The following TFDP1 variants were observed in gnomAD, a reference collection of about 807,000 sequenced individuals.
TFDP1 encodes the protein DRTF1-polypeptide 1.
Under a neutral mutation model 48.0 loss-of-function variants are expected in TFDP1, and 6 were observed. The observed-to-expected ratio is 0.13, with a 90% CI of 0.07 to 0.25. The LOEUF (loss-of-function observed/expected upper bound fraction) is 0.25. Ranked by LOEUF, TFDP1 falls within the 10% of genes least tolerant of loss-of-function variation. TFDP1 has a pLI of 1.00. For missense variants in TFDP1, 335 were observed against 543.0 expected, an observed-to-expected ratio of 0.62 and a Z score of 3.81; for synonymous variants, 201 against 211.6, an observed-to-expected ratio of 0.95 and a Z score of 0.44.
intron 3 of TFDP1, among the ~76,000 whole-genome samples, chr13:113,621,090 A>G (rs971478640): frequency 6.6e-6 from 1 of 152,268 alleles, no homozygotes; most frequent in Non-Finnish European, 1.5e-5. Context: ...GAAACTTCAG[A>G]TCGCAAAGGC....
intron 2 of TFDP1, among the ~76,000 whole-genome samples, chr13:113,600,811 A>G (rs2140333031): frequency 6.9e-6 from 1 of 145,836 alleles, no homozygotes. Context: ...GTAGGGCTAC[A>G]GGACCGTGAG....
At chr13:113,632,943 G>A (rs1329325611) in intron 5 of TFDP1, among the ~76,000 whole-genome samples, 177 bp from the exon 6 acceptor site, 1 of 152,238 alleles carries the variant, frequency 6.6e-6, no homozygotes, top group Non-Finnish European at 1.5e-5. Context: ...AGGACCACTG[G>A]GCCTGGGGGC....
chr13:113,601,920 C>T (rs2048440510), intron 2 of TFDP1, among the ~76,000 whole-genome samples: 1 of 131,644 alleles, frequency 7.6e-6, no homozygotes, highest in African/African-American at 3.2e-5. Flanking sequence ...CAGAGCTACT[C>T]CCTCTGTAGC....
intron 7 of TFDP1, 88 bp from the exon 8 acceptor site, chr13:113,634,446 C>T (rs1212507180): frequency 2.2e-5 from 23 of 1,055,360 alleles, no homozygotes; most frequent in Non-Finnish European, 3.2e-5. Flanking sequence ...ACATAGGTAA[C>T]ACTGTGAGGA....
At chr13:113,609,549 A>G (rs745726514) in intron 2 of TFDP1, among the ~76,000 whole-genome samples, 4 of 151,984 alleles carry the variant, frequency 2.6e-5, no homozygotes, top group South Asian at 2.1e-4. Context: ...ATGCCCAGGA[A>G]ATTGCCCAGT....
Position 113,590,337 on chromosome 13 carries a change from G to A in TFDP1, c.12+4488G>A, listed in dbSNP as rs561797412. On this transcript the variant is annotated intron_variant, in intron 2 of 11. Coordinates refer to ENST00000375370, the MANE Select transcript of TFDP1 (RefSeq NM_007111.5). ...GGAGGCGTTTGAGTGATGCTGTCACGAGGCTCTGCTAATGCCAAGAGGGGA... is the reference window on the plus strand; with the variant it reads ...GGAGGCGTTTGAGTGATGCTGTCACAAGGCTCTGCTAATGCCAAGAGGGGA... Among the ~76,000 whole-genome samples the A allele has an allele frequency of 4.6e-5, 7 of 152,326 alleles. No individual in the cohort carries two copies. The South Asian group carries it at 6.2e-4, about 14-fold the overall frequency.
intron 3 of TFDP1, among the ~76,000 whole-genome samples, chr13:113,616,221 G>A (rs10467688): frequency 0.071 from 3,716 of 52,052 alleles, 195 homozygotes; most frequent in African/African-American, 0.29. Context: ...AAAAAAAAAA[G>A]AGTAAGTGTG....
At chr13:113,638,240 G>A (rs547306307) in intron 11 of TFDP1, among the ~76,000 whole-genome samples, 9 of 152,170 alleles carry the variant, frequency 5.9e-5, no homozygotes, top group African/African-American at 1.2e-4. Context: ...TTCAGAACGC[G>A]TCTGCGGTCA....
In TFDP1 at chr13:113,608,269, G is replaced by A. The variant is rs185913948; in HGVS notation, c.13-2727G>A. Among the ~76,000 whole-genome samples the A allele has an allele frequency of 3.9e-4, 59 of 152,356 alleles. 1 individual carries two copies. In the East Asian group the frequency reaches 0.011, roughly 29 times the overall value. ...AGTGCGTTCCCAGTGCCAGTCCCTG[G>A]CCCTGTACTTTTTAGCAGGCGCTCA... On this transcript the variant is annotated intron_variant, in intron 2 of 11. Coordinates refer to ENST00000375370, the MANE Select transcript of TFDP1 (RefSeq NM_007111.5).
intron 3 of TFDP1, among the ~76,000 whole-genome samples, chr13:113,622,042 CCTCT>C (rs149442506): frequency 6.6e-6 from 1 of 151,820 alleles, no homozygotes; most frequent in Non-Finnish European, 1.5e-5. Context: ...CTCTTTGCCT[CCTCT>C]CTCTCTCTGC....
At chr13:113,630,585 C>T (rs1015380088) in intron 4 of TFDP1, among the ~76,000 whole-genome samples, 2 of 152,190 alleles carry the variant, frequency 1.3e-5, no homozygotes, top group Non-Finnish European at 2.9e-5. Flanking sequence ...ACGGAAACTG[C>T]ATGTCCATAC....
At chr13:113,593,679 C>T (rs2048207453) in intron 2 of TFDP1, among the ~76,000 whole-genome samples, 1 of 135,468 alleles carries the variant, frequency 7.4e-6, no homozygotes, top group Non-Finnish European at 1.6e-5. Flanking sequence ...CACGGGTCCT[C>T]AGCTGTGCCC....
At chr13:113,596,321 T>G (rs989757335) in intron 2 of TFDP1, among the ~76,000 whole-genome samples, 2 of 152,210 alleles carry the variant, frequency 1.3e-5, no homozygotes, top group African/African-American at 2.4e-5. Flanking sequence ...TCTTACCCAG[T>G]TATTGACTCT....
Position 113,638,965 on chromosome 13 carries a change from G to T in TFDP1, c.1085+1069G>T, listed in dbSNP as rs181516736. Among the ~76,000 whole-genome samples the T allele has an allele frequency of 2.0e-5, 3 of 152,304 alleles. No individual in the cohort carries two copies. The East Asian group carries it at 5.8e-4, about 29-fold the overall frequency. ...TGTGCTTGAGCCTGCGTTGGGATGT[G>T]CTGTGGCCATGAGATGTAACAGGTG... On this transcript the variant is annotated intron_variant, in intron 11 of 11. Coordinates refer to ENST00000375370, the MANE Select transcript of TFDP1 (RefSeq NM_007111.5).
rs762048255 is a variant in TFDP1 at position 113,610,980 on chromosome 13, T to G, written c.13-16T>G. On this transcript the variant is annotated splice_polypyrimidine_tract_variant and intron_variant, in intron 2 of 11. Coordinates refer to ENST00000375370, the MANE Select transcript of TFDP1 (RefSeq NM_007111.5). ...TTTAGCTGTCATATTTATTATTGTT[T>G]TGTTGCTTTCCGCAGGCCGGTCTAA... 1.4e-5 allele frequency: 23 copies of G among 1,612,878 alleles called. No individual in the cohort carries two copies. In the Admixed American group the frequency reaches 3.8e-4, roughly 27 times the overall value.
intron 2 of TFDP1, among the ~76,000 whole-genome samples, chr13:113,593,990 T>C (rs1248913167): frequency 8.1e-6 from 1 of 123,732 alleles, no homozygotes; most frequent in East Asian, 2.7e-4. Context: ...GTGCTGTGTG[T>C]GGGTCCTCAC....
rs988204606 is a variant in TFDP1, at chr13:113,610,982, G to C, written c.13-14G>C. On this transcript the variant is annotated splice_polypyrimidine_tract_variant and intron_variant, in intron 2 of 11. Transcript: ENST00000375370. Reference sequence around the variant, plus strand: ...TAGCTGTCATATTTATTATTGTTTTGTTGCTTTCCGCAGGCCGGTCTAATT... The same window carrying C: ...TAGCTGTCATATTTATTATTGTTTTCTTGCTTTCCGCAGGCCGGTCTAATT... 3 of 1,612,902 alleles carry C rather than the reference G, an allele frequency of 1.9e-6. No individual in the cohort carries two copies. The African/African-American group carries it at 4.0e-5, about 22-fold the overall frequency.
Position 113,634,619 on chromosome 13 carries a change from C to T in TFDP1, c.687+17C>T, listed in dbSNP as rs762469793. The T allele has an allele frequency of 1.3e-6, 2 of 1,586,920 alleles. No homozygotes were observed. Among genetic ancestry groups the T allele is most frequent in the Non-Finnish European group, 1.7e-6 (2 of 1,163,454 alleles). On this transcript the variant is annotated intron_variant, in intron 8 of 11. Transcript: ENST00000375370. ...ATTCTACAGGTAAGAGAATACGTAT[C>T]TGTGGAGGCAGGGTAATTTTTATTT...
At chr13:113,594,663 G>T (rs1452637799) in intron 2 of TFDP1, among the ~76,000 whole-genome samples, 1 of 152,254 alleles carries the variant, frequency 6.6e-6, no homozygotes, top group Non-Finnish European at 1.5e-5. Context: ...TGTGGGTGCC[G>T]CCCGTTCCCA....
Sources: gnomAD v4.1 joint callset for allele counts (sites outside exome capture counted in the v4.1 genomes callset) on GRCh38, gnomAD v4.1.1 for gene constraint, MANE v1.5 for transcripts, NCBI Gene and HGNC (gene_info 2026-07-23, HGNC 2026-07-21) for gene names.